Variants in CRADD observed in about 807,000 individuals in gnomAD.
CRADD encodes the protein CARD and death domain containing adaptor protein.
In CRADD, 9 loss-of-function variants were observed where a neutral mutation model predicts 15.5. The observed-to-expected ratio is 0.58, with a 90% CI of 0.35 to 1.01. The LOEUF is 1.01. Ranked by LOEUF, CRADD falls within the 50% of genes least tolerant of loss-of-function variation. The pLI, the probability that CRADD is intolerant of heterozygous loss-of-function variation, is 0.02. For missense variants in CRADD, 227 were observed against 250.3 expected (o/e 0.91, Z 0.63); for synonymous variants, 118 against 107.6 (o/e 1.10, Z -0.60).
intron 2 of CRADD, among the ~76,000 whole-genome samples, chr12:93,715,220 AAGAGTG>A (rs1452095058): frequency 6.6e-6 from 1 of 152,206 alleles, no homozygotes; most frequent in Non-Finnish European, 1.5e-5. Flanking sequence ...CTCATAGGGT[AAGAGTG>A]AGAGTTCTTG....
intron 2 of CRADD, among the ~76,000 whole-genome samples, chr12:93,873,519 A>G (rs578110061): frequency 5.3e-5 from 8 of 152,170 alleles, no homozygotes; most frequent in African/African-American, 1.9e-4. Context: ...AAGTTTTTCC[A>G]CATTCAGTAT....
At chr12:93,680,060 A>T (rs544274147) in intron 2 of CRADD, among the ~76,000 whole-genome samples, 1 of 152,316 alleles carries the variant, frequency 6.6e-6, no homozygotes, top group South Asian at 2.1e-4. Flanking sequence ...GAGAAGAGAG[A>T]AACAGTTCTG....
Position 93,878,685 on chromosome 12 carries a change from C to T in CRADD, c.299-15365C>T, listed in dbSNP as rs557464248. Among the ~76,000 whole-genome samples the T allele has an allele frequency of 6.6e-5, 10 of 152,304 alleles. No homozygotes were observed. In the South Asian group the frequency reaches 1.0e-3, roughly 16 times the overall value. ...TCTGACCACTGGGATTGGCGATTCC[C>T]TCTGGCTAGGGCTGGTTTAAATGCC... On this transcript the variant is annotated intron_variant, in intron 2 of 2. Transcript: ENST00000548483.
chr12:93,730,134 A>G (rs976386733), intron 2 of CRADD, among the ~76,000 whole-genome samples: 1 of 152,236 alleles, frequency 6.6e-6, no homozygotes, highest in Non-Finnish European at 1.5e-5. Flanking sequence ...AGAAAATACT[A>G]TGAGACAGGT....
chr12:93,781,623 T>C (rs1191702875), intron 2 of CRADD, among the ~76,000 whole-genome samples: 1 of 152,166 alleles, frequency 6.6e-6, no homozygotes, highest in African/African-American at 2.4e-5. Context: ...TCCAATGTGA[T>C]CTGATAGAAA....
In CRADD at chr12:93,826,450, G is replaced by A. The variant is rs952167385; in HGVS notation, c.299-23520G>A. ...CTCTGGAATTTTTCCTCGGAGAGATGTCAGGATCCCAAGTCTTCCTGTGAT... is the reference window on the plus strand; with the variant it reads ...CTCTGGAATTTTTCCTCGGAGAGATATCAGGATCCCAAGTCTTCCTGTGAT... On this transcript the variant is annotated intron_variant, in intron 2 of 2. Transcript: ENST00000332896. Among the ~76,000 whole-genome samples, 12 of 152,196 alleles carry A rather than the reference G, an allele frequency of 7.9e-5. 1 individual carries two copies. Among genetic ancestry groups the A allele is most frequent in the Admixed American group, 7.9e-4 (12 of 15,280 alleles).
intron 2 of CRADD, among the ~76,000 whole-genome samples, chr12:93,838,534 C>G (rs111760892): frequency 6.7e-5 from 10 of 149,998 alleles, no homozygotes; most frequent in African/African-American, 2.5e-4. Flanking sequence ...TCCTTCCTTC[C>G]CTTCCTCCCT....
chr12:93,726,381 G>T (rs1956368027), intron 2 of CRADD, among the ~76,000 whole-genome samples: 1 of 152,102 alleles, frequency 6.6e-6, no homozygotes, highest in African/African-American at 2.4e-5. Flanking sequence ...TGGGATTATA[G>T]GCATAAGCCC....
intron 2 of CRADD, among the ~76,000 whole-genome samples, chr12:93,775,934 A>G (rs1235595856): frequency 6.6e-6 from 1 of 152,236 alleles, no homozygotes; most frequent in Admixed American, 6.5e-5. Context: ...AAGTATCCTT[A>G]TAGTAACAAT....
chr12:93,738,412 A>C (rs1956617403), intron 2 of CRADD: 2 of 702,252 alleles, frequency 2.8e-6, no homozygotes, highest in African/African-American at 3.5e-5. Context: ...AGTTGCCATC[A>C]TCAGGCTTCC....
At position 93,758,441 on chromosome 12, in the gene CRADD, T is replaced by C. The variant is rs555435317; in HGVS notation, c.298+79369T>C. Among the ~76,000 whole-genome samples, 7 of 152,262 alleles carry C rather than the reference T, an allele frequency of 4.6e-5. No homozygotes were observed. In the South Asian group the frequency reaches 1.2e-3, roughly 27 times the overall value. On this transcript the variant is annotated intron_variant, in intron 2 of 2. Transcript: ENST00000332896. ...CTGATGGTATACTAAGAAATATAAC[T>C]TATTTTATTAATGGTTATTAATATA... is the stretch of plus-strand genomic sequence containing the variant.
chr12:93,891,033 G>A (rs1476360454), intron 2 of CRADD, among the ~76,000 whole-genome samples: 1 of 151,786 alleles, frequency 6.6e-6, no homozygotes, highest in African/African-American at 2.4e-5. Context: ...ACAGGCATGA[G>A]CCACCACGCC....
intron 2 of CRADD, among the ~76,000 whole-genome samples, chr12:93,828,224 T>C (rs183709537): frequency 1.3e-5 from 2 of 152,348 alleles, no homozygotes; most frequent in East Asian, 3.9e-4. Context: ...TTACAAGATA[T>C]GATTTGCAAA....
chr12:93,849,735 C>T (rs370180934), intron 2 of CRADD, among the ~76,000 whole-genome samples: 3 of 141,452 alleles, frequency 2.1e-5, no homozygotes, highest in African/African-American at 5.4e-5. Flanking sequence ...AGTGAAACAC[C>T]GTCTCAAAAA....
chr12:93,854,255 C>T (rs1017645697), downstream of CRADD, among the ~76,000 whole-genome samples: 2 of 152,028 alleles, frequency 1.3e-5, no homozygotes, highest in African/African-American at 2.4e-5. Context: ...TGCTCTAGGG[C>T]GGCCTCACTC....
chr12:93,694,621 G>T (rs61928964), intron 2 of CRADD, among the ~76,000 whole-genome samples: 10,115 of 152,150 alleles, frequency 0.066, 402 homozygotes, highest in African/African-American at 0.11. Flanking sequence ...TAGTAAAGTT[G>T]CAGTATACAA....
At position 93,679,088 on chromosome 12, in the gene CRADD, A is replaced by T; in HGVS notation, c.298+16A>T. ...CTGCCTGCAGGTAGGCCTCAGAAAG[A>T]TCACTTTGAACCAGCTCCAAAATGT... is the stretch of plus-strand genomic sequence containing the variant. On this transcript the variant is annotated intron_variant, in intron 2 of 2. Transcript: ENST00000332896. 1.2e-6 allele frequency: 2 copies of T among 1,600,018 alleles called. No homozygotes were observed. The highest frequency in any genetic ancestry group is 1.7e-6 in the Non-Finnish European group (2 of 1,170,744).
At chr12:93,778,215 C>T (rs1957160893) in intron 2 of CRADD, among the ~76,000 whole-genome samples, 2 of 152,236 alleles carry the variant, frequency 1.3e-5, no homozygotes, top group South Asian at 2.1e-4. Flanking sequence ...AGTCTTTGTG[C>T]GTGATTAGGA....
intron 2 of CRADD, among the ~76,000 whole-genome samples, chr12:93,860,322 G>A (rs563536448): frequency 1.2e-4 from 19 of 152,286 alleles, no homozygotes; most frequent in African/African-American, 4.6e-4. Context: ...TACTTTCCTA[G>A]AGAATCATGG....
Sources: allele counts gnomAD v4.1 joint callset (sites outside exome capture counted in the v4.1 genomes callset), GRCh38; gene constraint gnomAD v4.1.1; transcripts MANE v1.5; gene names NCBI Gene and HGNC (gene_info 2026-07-23, HGNC 2026-07-21).